The following PCBP3 variants were observed in gnomAD, a reference collection of about 807,000 sequenced individuals.
The protein encoded by PCBP3 is poly(rC) binding protein 3.
PCBP3 carries 25 observed loss-of-function variants against 52.7 expected under a neutral mutation model. The observed-to-expected ratio is 0.47, with a 90% CI of 0.35 to 0.66. The LOEUF (loss-of-function observed/expected upper bound fraction) is 0.66. Among genes scored for constraint, PCBP3 ranks in the 30% least tolerant of loss-of-function variants. The pLI is 0.01. For synonymous variants in PCBP3, 162 were observed against 183.0 expected, an observed-to-expected ratio of 0.89 and a Z score of 0.93; for missense variants, 391 against 490.3, an observed-to-expected ratio of 0.80 and a Z score of 1.91.
chr21:45,756,669 A>G (rs1034615004), intron 4 of PCBP3, among the ~76,000 whole-genome samples: 2 of 152,180 alleles, frequency 1.3e-5, no homozygotes, highest in Non-Finnish European at 2.9e-5. Context: ...AAACAACCCC[A>G]GGAGCAGTCA....
At chr21:45,747,863 G>A (rs931300861) in intron 3 of PCBP3, among the ~76,000 whole-genome samples, 19 of 152,144 alleles carry the variant, frequency 1.2e-4, no homozygotes, top group African/African-American at 2.2e-4. Context: ...GCTAGGTAGC[G>A]TTCCTTCTGG....
At chr21:45,843,235 T>C (rs73380658) in intron 4 of PCBP3, among the ~76,000 whole-genome samples, 2,735 of 151,138 alleles carry the variant, frequency 0.018, 121 homozygotes, top group African/African-American at 0.063. Flanking sequence ...GAGAGGTGTC[T>C]ATTCCATCCT....
intron 2 of PCBP3, among the ~76,000 whole-genome samples, chr21:45,674,198 G>A (rs1009927373): frequency 3.3e-5 from 5 of 152,060 alleles, no homozygotes; most frequent in African/African-American, 9.7e-5. Context: ...ACCCTGAGCC[G>A]ATAATACCTC....
At chr21:45,688,667 G>GGCAT (rs1306819011) in intron 2 of PCBP3, among the ~76,000 whole-genome samples, 30 of 151,730 alleles carry the variant, frequency 2.0e-4, no homozygotes, top group African/African-American at 7.0e-4. Context: ...AGAATATGAA[G>GGCAT]GCATAATCAT....
rs767564800 is a variant in PCBP3, at chr21:45,880,305, C to A, written c.11-15903C>A. On this transcript the variant is annotated intron_variant, in intron 5 of 17. Coordinates refer to ENST00000681687, the MANE Select transcript of PCBP3 (RefSeq NM_001384156.1). The surrounding 1 kb of genome is among the most constrained non-coding windows in gnomAD (Gnocchi z 5.4). ...TCGGAGGGGAGGGGAGCGCCTGGGGCGCCGCGGTCCTGACCCCACACAACT... is the reference window on the plus strand; with the variant it reads ...TCGGAGGGGAGGGGAGCGCCTGGGGAGCCGCGGTCCTGACCCCACACAACT... Among the ~76,000 whole-genome samples the A allele has an allele frequency of 2.6e-5, 4 of 152,156 alleles. No individual in the cohort carries two copies. The highest frequency in any genetic ancestry group is 4.8e-5 in the African/African-American group (2 of 41,430).
chr21:45,715,992 T>C (rs1395773031), intron 2 of PCBP3, among the ~76,000 whole-genome samples: 5 of 152,208 alleles, frequency 3.3e-5, no homozygotes, highest in African/African-American at 1.2e-4. Flanking sequence ...AATTTATTTA[T>C]TTTTTCTTTC....
At position 45,791,601 on chromosome 21, in the gene PCBP3, T is replaced by G. The variant is rs1039503047; in HGVS notation, c.-126+36149T>G. On this transcript the variant is annotated intron_variant, in intron 4 of 17. Coordinates refer to ENST00000681687, the MANE Select transcript of PCBP3 (RefSeq NM_001384156.1). The surrounding 1 kb of genome is among the most constrained non-coding windows in gnomAD (Gnocchi z 4.2). ...AGGTGTGCAACAGCCGGAAGGCAGGTGGCCGCCAACAACTTTCTTTTTCCA... is the reference window on the plus strand; with the variant it reads ...AGGTGTGCAACAGCCGGAAGGCAGGGGGCCGCCAACAACTTTCTTTTTCCA... Among the ~76,000 whole-genome samples, 1 of 152,172 alleles carries G rather than the reference T, an allele frequency of 6.6e-6. No individual in the cohort carries two copies.
chr21:45,686,576 A>C (rs959437727), intron 2 of PCBP3, among the ~76,000 whole-genome samples: 11 of 152,344 alleles, frequency 7.2e-5, no homozygotes, highest in Non-Finnish European at 1.3e-4. Context: ...CAAGAGGAAA[A>C]GCAGTCAATA....
intron 2 of PCBP3, among the ~76,000 whole-genome samples, chr21:45,715,623 T>G (rs1236247887): frequency 2.0e-5 from 3 of 152,202 alleles, no homozygotes; most frequent in Admixed American, 6.5e-5. Flanking sequence ...GTTAACAATT[T>G]TGCATGTCTT....
chr21:45,838,381 G>A (rs1453222388), intron 4 of PCBP3, among the ~76,000 whole-genome samples: 1 of 151,922 alleles, frequency 6.6e-6, no homozygotes, highest in Admixed American at 6.6e-5. Flanking sequence ...AACTCTTTTG[G>A]GAGACCTGTT....
intron 4 of PCBP3, among the ~76,000 whole-genome samples, chr21:45,790,490 G>A (rs961372036): frequency 6.6e-6 from 1 of 152,190 alleles, no homozygotes; most frequent in African/African-American, 2.4e-5. Context: ...CTGTGGACTT[G>A]TGCCTGATTG....
chr21:45,866,944 A>G (rs922088903), intron 5 of PCBP3, among the ~76,000 whole-genome samples: 1 of 152,246 alleles, frequency 6.6e-6, no homozygotes, highest in Admixed American at 6.5e-5. Flanking sequence ...ATTATCCGGC[A>G]GGAGTAATTA....
chr21:45,679,162 A>G (rs1158412840), intron 2 of PCBP3, among the ~76,000 whole-genome samples: 1 of 148,060 alleles, frequency 6.8e-6, no homozygotes, highest in Non-Finnish European at 1.5e-5. Flanking sequence ...TCTGTTGCCC[A>G]GGCTGGAGTG....
chr21:45,649,318 C>A (rs2079530131), intron 1 of PCBP3, among the ~76,000 whole-genome samples: 1 of 152,126 alleles, frequency 6.6e-6, no homozygotes, highest in Non-Finnish European at 1.5e-5. Context: ...TGGGTCCCTC[C>A]CATAACACAT....
At chr21:45,919,385 G>A (rs1257217149) in intron 13 of PCBP3, 1 of 152,242 alleles carries the variant, frequency 6.6e-6, no homozygotes, top group Non-Finnish European at 1.5e-5. Context: ...ATGCTTTTGA[G>A]TTGGGGGCAA....
intron 1 of PCBP3, among the ~76,000 whole-genome samples, chr21:45,652,978 T>C (rs1281439215): frequency 6.6e-6 from 1 of 152,232 alleles, no homozygotes; most frequent in Non-Finnish European, 1.5e-5. Flanking sequence ...TTATTGTTTG[T>C]TATGCTTTCT....
chr21:45,790,823 C>T (rs972537811), intron 4 of PCBP3, among the ~76,000 whole-genome samples: 1 of 152,054 alleles, frequency 6.6e-6, no homozygotes, highest in Admixed American at 6.5e-5. Context: ...GCAACAAAAG[C>T]AAAAGTGGGG....
Position 45,821,853 on chromosome 21 carries a change from C to T in PCBP3, c.-125-28108C>T, listed in dbSNP as rs192598848. Reference sequence around the variant, plus strand: ...CTTCGAGCTTCCGTCCTGCAAGCACCGGCAGTGTCAGGGAGGCACCGCCCA... The same window carrying T: ...CTTCGAGCTTCCGTCCTGCAAGCACTGGCAGTGTCAGGGAGGCACCGCCCA... On this transcript the variant is annotated intron_variant, in intron 4 of 17. Transcript: ENST00000681687. This position sits in a 1 kb window ranked among gnomAD's most constrained non-coding sequence, Gnocchi z 4.4. Among the ~76,000 whole-genome samples the T allele has an allele frequency of 2.8e-4, 43 of 152,330 alleles. No homozygotes were observed. The East Asian group carries it at 7.1e-3, about 25-fold the overall frequency.
chr21:45,688,439 TAA>T (rs2082277968), intron 2 of PCBP3, among the ~76,000 whole-genome samples: 1 of 152,134 alleles, frequency 6.6e-6, no homozygotes, highest in South Asian at 2.1e-4. Context: ...TTTCCAAATA[TAA>T]AAAGTTCAAA....
Sources: gnomAD v4.1 joint callset for allele counts (sites outside exome capture counted in the v4.1 genomes callset) on GRCh38, gnomAD v4.1.1 for gene constraint, Gnocchi (gnomAD v3.1) non-coding constraint, MANE v1.5 for transcripts, NCBI Gene and HGNC (gene_info 2026-07-23, HGNC 2026-07-21) for gene names.